Variants in TRAPPC8 observed in about 807,000 individuals in gnomAD.
The protein encoded by TRAPPC8 is general sporulation gene 1 homolog.
A neutral mutation model predicts 174.3 loss-of-function variants in TRAPPC8; 54 were observed. That is an observed-to-expected ratio of 0.31 (90% CI 0.25 to 0.39). The LOEUF (loss-of-function observed/expected upper bound fraction) is 0.39, where lower values mean the gene tolerates loss of function less well. TRAPPC8 is among the 10% of genes least tolerant of loss of function. TRAPPC8 has a pLI of 1.00. For missense variants in TRAPPC8, 1,531 were observed against 1,699.1 expected (o/e 0.90, Z 1.74); for synonymous variants, 630 against 579.9 (o/e 1.09, Z -1.24).
At chr18:31,900,856 GGAA>G (rs77519694) in intron 10 of TRAPPC8, 66 bp downstream of exon 10, 8 of 1,180,742 alleles carry the variant, frequency 6.8e-6, no homozygotes, top group Non-Finnish European at 7.0e-6. Flanking sequence ...TTAGGAATGG[GGAA>G]AAAAAAAAAA....
Position 31,874,591 on chromosome 18 carries a change from A to G in TRAPPC8, c.1842T>C (p.Leu614=). The change falls in exon 13 of 29, where the codon CTT becomes CTC. Residue 614 remains leucine (L), a synonymous_variant. Coordinates refer to ENST00000283351, the MANE Select transcript of TRAPPC8 (RefSeq NM_014939.5). ...CAGACACAGCATTATCCAGCTGTCTAAGAGTATAGGACTGGCGCCCAATAG... is the reference window on the plus strand; with the variant it reads ...CAGACACAGCATTATCCAGCTGTCTGAGAGTATAGGACTGGCGCCCAATAG... ...NFTIGRQSYT[L]RQLDNAVSAF... 6.2e-7 allele frequency: 1 copy of G among 1,614,130 alleles called. No individual in the cohort carries two copies. Among genetic ancestry groups the G allele is most frequent in the Non-Finnish European group, 8.5e-7 (1 of 1,179,986 alleles).
intron 12 of TRAPPC8, among the ~76,000 whole-genome samples, chr18:31,884,341 C>G (rs1035137832): frequency 2.6e-5 from 4 of 152,138 alleles, no homozygotes; most frequent in African/African-American, 9.7e-5. Flanking sequence ...ACTGCACTGG[C>G]CTGAATGGAA....
At chr18:31,909,851 T>C in intron 5 of TRAPPC8, 91 bp from the exon 6 acceptor site, 2 of 854,046 alleles carry the variant, frequency 2.3e-6, no homozygotes, top group Non-Finnish European at 3.4e-6. Flanking sequence ...GTTACTCTGC[T>C]AACTGTTGGC....
Position 31,905,956 on chromosome 18 carries a change from T to C in TRAPPC8, c.1389+1504A>G, listed in dbSNP as rs141480432. On this transcript the variant is annotated intron_variant, in intron 9 of 28. Coordinates refer to ENST00000283351, the MANE Select transcript of TRAPPC8 (RefSeq NM_014939.5). ...ATAACATGAAGTATTTGTGATTTCA[T>C]ATTAGCTTAAATTGGATGACTATAA... is the stretch of plus-strand genomic sequence containing the variant. Among the ~76,000 whole-genome samples, 401 of 152,294 alleles carry C rather than the reference T, an allele frequency of 2.6e-3. 2 individuals carry two copies. Among genetic ancestry groups the C allele is most frequent in the African/African-American group, 8.8e-3 (365 of 41,576 alleles).
chr18:31,903,121 C>CGTGCGTGCGT (rs1555674907), intron 9 of TRAPPC8, among the ~76,000 whole-genome samples: 1 of 149,104 alleles, frequency 6.7e-6, no homozygotes, highest in African/African-American at 2.5e-5. Flanking sequence ...TGCGTGCGTG[C>CGTGCGTGCGT]GTGTGTGTGT....
chr18:31,912,146 C>T (rs1026314911), intron 5 of TRAPPC8, among the ~76,000 whole-genome samples: 3 of 152,092 alleles, frequency 2.0e-5, no homozygotes, highest in Non-Finnish European at 2.9e-5. Context: ...GAAATGCCCA[C>T]CCACCTAAAA....
chr18:31,903,747 T>G (rs2036542950), intron 9 of TRAPPC8, among the ~76,000 whole-genome samples: 1 of 152,064 alleles, frequency 6.6e-6, no homozygotes, highest in African/African-American at 2.4e-5. Context: ...TCATTCTGGA[T>G]GGGCACAGTG....
At chr18:31,852,401 A>AT in intron 24 of TRAPPC8, 45 bp downstream of exon 24, 1 of 1,595,204 alleles carries the variant, frequency 6.3e-7, no homozygotes, top group African/African-American at 1.4e-5. Flanking sequence ...CAGATATGCT[A>AT]TAACTATGAC....
intron 5 of TRAPPC8, among the ~76,000 whole-genome samples, chr18:31,910,223 T>C (rs1483147082): frequency 6.6e-6 from 1 of 152,106 alleles, no homozygotes; most frequent in African/African-American, 2.4e-5. Flanking sequence ...TGAAGTGTTT[T>C]AGAAAAATAT....
chr18:31,833,791 CAGG>C (rs2032524968), intron 27 of TRAPPC8, among the ~76,000 whole-genome samples: 2 of 151,900 alleles, frequency 1.3e-5, no homozygotes, highest in African/African-American at 4.8e-5. Context: ...ATCACAAGGT[CAGG>C]AGATCAAGAT....
At position 31,834,088 on chromosome 18, in the gene TRAPPC8, GGTTGTTGTT is replaced by G. The variant is rs35486513; in HGVS notation, c.3984-1924_3984-1916del. The stretch of plus-strand genomic sequence containing the variant: ...TGCTCCTGGTCTGGGATCACATTTT[GGTTGTTGTT>G]GTTGTTGTTGTTGTTGTTTTTTATT... On this transcript the variant is annotated intron_variant, in intron 27 of 28. Transcript: ENST00000283351. Among the ~76,000 whole-genome samples, 575 of 149,028 alleles carry G rather than the reference GGTTGTTGTT, an allele frequency of 3.9e-3. 2 individuals carry two copies. The highest frequency in any genetic ancestry group is 5.8e-3 in the Non-Finnish European group (391 of 67,540).
intron 2 of TRAPPC8, among the ~76,000 whole-genome samples, chr18:31,918,501 G>A (rs2037243009): frequency 6.6e-6 from 1 of 152,156 alleles, no homozygotes; most frequent in African/African-American, 2.4e-5. Flanking sequence ...TTCTGGGGTA[G>A]GTGGCTTATG....
intron 24 of TRAPPC8, among the ~76,000 whole-genome samples, chr18:31,851,009 T>A (rs1327288488): frequency 3.9e-5 from 6 of 152,222 alleles, no homozygotes; most frequent in Non-Finnish European, 8.8e-5. Context: ...ACTGAGCTTT[T>A]GAAACTTGGA....
chr18:31,860,875 T>A (rs946331763), intron 19 of TRAPPC8, among the ~76,000 whole-genome samples: 17 of 152,206 alleles, frequency 1.1e-4, no homozygotes, highest in African/African-American at 4.1e-4. Context: ...CCAAACTTGT[T>A]CACATAAATT....
At chr18:31,911,643 G>A (rs1301330150) in intron 5 of TRAPPC8, among the ~76,000 whole-genome samples, 1 of 148,502 alleles carries the variant, frequency 6.7e-6, no homozygotes, top group Non-Finnish European at 1.5e-5. Flanking sequence ...GGAAGCTGAG[G>A]CATGAGAATA....
intron 12 of TRAPPC8, among the ~76,000 whole-genome samples, chr18:31,886,492 G>C (rs764936711): frequency 1.3e-5 from 2 of 152,066 alleles, no homozygotes; most frequent in African/African-American, 2.4e-5. Context: ...GATTTTTAAA[G>C]ATTTTTTTGG....
At chr18:31,852,845 T>C (rs1460638453) in intron 22 of TRAPPC8, 182 bp from the exon 23 acceptor site, 1 of 592,350 alleles carries the variant, frequency 1.7e-6, no homozygotes, top group Non-Finnish European at 3.0e-6. Flanking sequence ...TAAATTTCAA[T>C]TTTCTCAAAA....
intron 2 of TRAPPC8, among the ~76,000 whole-genome samples, chr18:31,925,426 G>T (rs1224238372): frequency 6.6e-6 from 1 of 151,892 alleles, no homozygotes; most frequent in African/African-American, 2.4e-5. Context: ...TTCAATAGAA[G>T]GATCAGAAGA....
intron 14 of TRAPPC8, among the ~76,000 whole-genome samples, chr18:31,872,603 T>C (rs1001924128): frequency 1.3e-5 from 2 of 152,094 alleles, no homozygotes; most frequent in Admixed American, 6.5e-5. Flanking sequence ...GTATTTTTAG[T>C]AGAGACAGGG....
Sources: gnomAD v4.1 joint callset for allele counts (sites outside exome capture counted in the v4.1 genomes callset) on GRCh38, gnomAD v4.1.1 for gene constraint, MANE v1.5 for transcripts, NCBI Gene and HGNC (gene_info 2026-07-23, HGNC 2026-07-21) for gene names.